Variants in KCNT1 observed in about 807,000 individuals in gnomAD.
The protein encoded by KCNT1 is potassium channel subfamily T member 1.
Under a neutral mutation model 147.8 loss-of-function variants are expected in KCNT1, and 78 were observed. The ratio of observed to expected loss-of-function variants is 0.53; its 90% CI spans 0.44 to 0.64. KCNT1 has a LOEUF of 0.64. Ranked by LOEUF, KCNT1 falls within the 30% of genes least tolerant of loss-of-function variation. The probability of loss-of-function intolerance (pLI) is 0.00; values close to 1 mark genes in which losing one functional copy is unlikely to be tolerated. For missense variants in KCNT1, 1,419 were observed against 1,750.3 expected, an observed-to-expected ratio of 0.81 and a Z score of 3.38; for synonymous variants, 867 against 748.8, an observed-to-expected ratio of 1.16 and a Z score of -2.58.
intron 2 of KCNT1, among the ~76,000 whole-genome samples, chr9:135,728,396 G>A (rs373916544): frequency 1.1e-4 from 16 of 152,262 alleles, no homozygotes; most frequent in African/African-American, 3.6e-4. Flanking sequence ...GGGCAGAAAA[G>A]AGCCAGCGGC....
At chr9:135,758,931 C>A (rs986528752) in intron 10 of KCNT1, among the ~76,000 whole-genome samples, 17 of 151,954 alleles carry the variant, frequency 1.1e-4, no homozygotes, top group Non-Finnish European at 2.5e-4. Flanking sequence ...GCCCACCTGC[C>A]TGTGTCCTCG....
At chr9:135,782,711 T>C (rs1483270686) in intron 24 of KCNT1, among the ~76,000 whole-genome samples, 1 of 152,228 alleles carries the variant, frequency 6.6e-6, no homozygotes, top group Non-Finnish European at 1.5e-5. Flanking sequence ...GTTTCCTGTT[T>C]AGCGTTGTTC....
In KCNT1 at chr9:135,742,265, G is replaced by A. The variant is rs149104583; in HGVS notation, c.255-7833G>A. ...GGAGTGGAGACAAGGGGACAGCCTC[G>A]CAGACCTCGGCATGAGGTGGAGCTC... On this transcript the variant is annotated intron_variant, in intron 2 of 30. Coordinates refer to ENST00000371757, the MANE Select transcript of KCNT1 (RefSeq NM_020822.3). 3.5e-3 allele frequency among the ~76,000 whole-genome samples: 526 copies of A among 152,318 alleles called. 1 individual carries two copies. Among genetic ancestry groups the A allele is most frequent in the South Asian group, 6.0e-3 (29 of 4,830 alleles).
chr9:135,704,885 A>C (rs959134526), intron 1 of KCNT1, among the ~76,000 whole-genome samples: 1 of 152,142 alleles, frequency 6.6e-6, no homozygotes, highest in Non-Finnish European at 1.5e-5. Context: ...GGCAGGAGGG[A>C]CGGCTCAGGC....
chr9:135,755,919 C>G (rs555699300), intron 6 of KCNT1, among the ~76,000 whole-genome samples: 7 of 144,404 alleles, frequency 4.8e-5, no homozygotes, highest in Non-Finnish European at 1.1e-4. Context: ...CAGTGAATGC[C>G]AAGGACAAAG....
rs777118549 is a variant in KCNT1, at chr9:135,702,287, C to T, written c.29C>T (p.Pro10Leu). Residue 10 changes from proline (P) to leucine (L), a missense_variant, in exon 1 of 31, where the codon CCG becomes CTG. Physicochemically the swap from Pro to Leu is moderately conservative, Grantham distance 98. This residue lies in a region of KCNT1 where 181 missense variants were observed against 155.7 expected (regional missense o/e 1.16). Transcript: ENST00000371757. ...CCACTCCCTGACGGGGCGCGGACCC[C>T]GGGGGGCGTCTGCCGGGAGGCGCGC... MPLPDGART[P>L]GGVCREARGG... The T allele has an allele frequency of 1.2e-6, 2 of 1,609,290 alleles. No homozygotes were observed. Among genetic ancestry groups the T allele is most frequent in the Admixed American group, 1.7e-5 (1 of 59,852 alleles).
Position 135,768,248 on chromosome 9 carries a change from G to A in KCNT1, c.1338-362G>A, listed in dbSNP as rs1432722654. On this transcript the variant is annotated intron_variant, in intron 13 of 30. Transcript: ENST00000371757. Reference sequence around the variant, plus strand: ...GAGGCCCAGGATGCCTGCGGGGGGGGGGGGGGGGGCACTGGGATACCGGTG... The same window carrying A: ...GAGGCCCAGGATGCCTGCGGGGGGGAGGGGGGGGGCACTGGGATACCGGTG... Among the ~76,000 whole-genome samples, 125 of 39,674 alleles carry A rather than the reference G, an allele frequency of 3.2e-3. 11 individuals are homozygous for A. The highest frequency in any genetic ancestry group is 7.9e-3 in the African/African-American group (117 of 14,770). 26.0% of individuals were successfully genotyped at this position (39,674 alleles called of 152,430 possible).
At chr9:135,777,980 C>T (rs968900978) in intron 21 of KCNT1, among the ~76,000 whole-genome samples, 2 of 151,614 alleles carry the variant, frequency 1.3e-5, no homozygotes, top group Non-Finnish European at 2.9e-5. Context: ...TCTCCCAGCT[C>T]CTCCATGCTC....
At position 135,752,284 on chromosome 9, in the gene KCNT1, C is replaced by T; in HGVS notation, c.434+1243C>T. The T allele has an allele frequency of 2.2e-6, 1 of 444,840 alleles. No individual in the cohort carries two copies. The highest frequency in any genetic ancestry group is 4.5e-6 in the Non-Finnish European group (1 of 222,792). 27.6% of individuals were successfully genotyped at this position (444,840 alleles called of 1,614,324 possible). ...CGTCCATGTAAACTTTTGCTCAATC[C>T]CCCTTTTCACCTGTTACCCCGTCAC... On this transcript the variant is annotated intron_variant, in intron 4 of 30. Coordinates refer to ENST00000371757, the MANE Select transcript of KCNT1 (RefSeq NM_020822.3). This position sits in a 1 kb window ranked among gnomAD's most constrained non-coding sequence, Gnocchi z 5.1.
Position 135,786,438 on chromosome 9 carries a change from T to G in KCNT1, c.3419T>G (p.Leu1140Arg). 6.3e-7 allele frequency: 1 copy of G among 1,596,126 alleles called. No individual in the cohort carries two copies. The highest frequency in any genetic ancestry group is 8.5e-7 in the Non-Finnish European group (1 of 1,172,500). The part of the protein sequence containing the change: ...AEWISQQRLS[L>R]YRRSERQELS... ...TGGATCAGCCAGCAGCGCCTCAGCC[T>G]GTACCGGCGCTCTGAGCGCCAGGAG... Residue 1140 changes from leucine (L) to arginine (R), a missense_variant, in exon 29 of 31, where the codon CTG becomes CGG. Transcript: ENST00000371757.
intron 13 of KCNT1, 103 bp from the exon 14 acceptor site, chr9:135,768,507 C>CAGCCT (rs1832491967): frequency 2.5e-6 from 2 of 794,224 alleles, no homozygotes; most frequent in Non-Finnish European, 2.1e-6. Flanking sequence ...CCTGCTGCAC[C>CAGCCT]AGCCTCCTCC....
rs1428822771 is a variant in KCNT1 at position 135,752,625 on chromosome 9, TGATGGATGGATGGACGGACGGACG to T, written c.435-1305_435-1282del. Among the ~76,000 whole-genome samples, 2 of 150,636 alleles carry T rather than the reference TGATGGATGGATGGACGGACGGACG, an allele frequency of 1.3e-5. No homozygotes were observed. Among genetic ancestry groups the T allele is most frequent in the Non-Finnish European group, 3.0e-5 (2 of 67,634 alleles). On this transcript the variant is annotated intron_variant, in intron 4 of 30. Coordinates refer to ENST00000371757, the MANE Select transcript of KCNT1 (RefSeq NM_020822.3). This position sits in a 1 kb window ranked among gnomAD's most constrained non-coding sequence, Gnocchi z 5.1. ...GATGGATGGTTGGATGGATGGTGGATGATGGATGGATGGACGGACGGACGGATGGACGGATGGATGGAGTGGATG... is the reference window on the plus strand; with the variant it reads ...GATGGATGGTTGGATGGATGGTGGATGATGGACGGATGGATGGAGTGGATG...
chr9:135,770,395 C>A lies in KCNT1; in HGVS notation c.1717C>A (p.Arg573Ser). 6.2e-7 allele frequency: 1 copy of A among 1,613,246 alleles called. No individual in the cohort carries two copies. The highest frequency in any genetic ancestry group is 8.5e-7 in the Non-Finnish European group (1 of 1,179,772). ...HIRMGDSKFF[R>S]EYEGKSFTYA... Reference sequence around the variant, plus strand: ...CCGCATGGGTGACAGCAAGTTCTTCCGCGAGTACGAGGGCAAGAGCTTCAC... The same window carrying A: ...CCGCATGGGTGACAGCAAGTTCTTCAGCGAGTACGAGGGCAAGAGCTTCAC... Residue 573 changes from arginine to serine, a missense_variant, in exon 17 of 31, where the codon CGC becomes AGC. Transcript: ENST00000371757.
Position 135,762,514 on chromosome 9 carries a change from G to A in KCNT1, c.1036-2517G>A, listed in dbSNP as rs182614599. The stretch of plus-strand genomic sequence containing the variant: ...TGTAATCCCAGCACTTTGGAGGGCC[G>A]AGGTGGGTAGATCACTTGAGATCCG... On this transcript the variant is annotated intron_variant, in intron 11 of 30. Coordinates refer to ENST00000371757, the MANE Select transcript of KCNT1 (RefSeq NM_020822.3). 2.2e-3 allele frequency among the ~76,000 whole-genome samples: 341 copies of A among 152,218 alleles called. 3 individuals are homozygous for A. In the South Asian group the frequency reaches 0.023, roughly 10 times the overall value.
rs1014992963 is a variant in KCNT1, at chr9:135,792,927, A to C, written c.*766A>C. 1 of 152,070 alleles carries C rather than the reference A, an allele frequency of 6.6e-6. No homozygotes were observed. The highest frequency in any genetic ancestry group is 6.6e-5 in the Admixed American group (1 of 15,262). 9.4% of individuals were successfully genotyped at this position (152,070 alleles called of 1,614,324 possible). ...TGGACCATTTTACACTTACCTTTTA[A>C]AGCAAAGCCTCATTTTCTAAACCCC... On this transcript the variant is annotated 3_prime_UTR_variant, in exon 31 of 31. Transcript: ENST00000371757.
At chr9:135,715,444 T>C (rs1025641251) in intron 2 of KCNT1, among the ~76,000 whole-genome samples, 15 of 152,204 alleles carry the variant, frequency 9.9e-5, no homozygotes, top group African/African-American at 3.6e-4. Flanking sequence ...TGAAGGCAAG[T>C]GCTCTGAGGA....
intron 21 of KCNT1, 21 bp downstream of exon 21, chr9:135,777,531 C>T (rs1297960430): frequency 3.2e-6 from 5 of 1,554,088 alleles, no homozygotes; most frequent in African/African-American, 2.7e-5. Flanking sequence ...TGGGGCTCAG[C>T]CCACCCCGCC....
Position 135,777,203 on chromosome 9 carries a change from G to A in KCNT1, c.2350-135G>A, listed in dbSNP as rs928557757. The A allele has an allele frequency of 2.4e-5, 22 of 904,720 alleles. 1 individual carries two copies. The highest frequency in any genetic ancestry group is 1.0e-4 in the Admixed American group (4 of 39,718). The allele number at this position is 904,720 out of a possible 1,614,324, so 56.0% of individuals were successfully genotyped here. A position where few individuals can be genotyped will look rare whatever the true frequency, so the allele number is the denominator to read the frequency against. On this transcript the variant is annotated intron_variant, in intron 20 of 30. Transcript: ENST00000371757. Reference sequence around the variant, plus strand: ...AGCTCCCCACAGGCGTGTGCAGGCCGTGAAAGGGCTGTGGGCCGAGAGGCT... The same window carrying A: ...AGCTCCCCACAGGCGTGTGCAGGCCATGAAAGGGCTGTGGGCCGAGAGGCT...
chr9:135,714,923 G>A lies in KCNT1; in HGVS notation c.254+203G>A, dbSNP rs895074749. Among the ~76,000 whole-genome samples, 1 of 152,226 alleles carries A rather than the reference G, an allele frequency of 6.6e-6. No homozygotes were observed. The highest frequency in any genetic ancestry group is 1.5e-5 in the Non-Finnish European group (1 of 68,032). ...ATCTTCTCGGGAGGGGGTCTCCGGAGGAGGGCGCGGGATGCTCGGAGCTGC... is the reference window on the plus strand; with the variant it reads ...ATCTTCTCGGGAGGGGGTCTCCGGAAGAGGGCGCGGGATGCTCGGAGCTGC... On this transcript the variant is annotated intron_variant, in intron 2 of 30. Coordinates refer to ENST00000371757, the MANE Select transcript of KCNT1 (RefSeq NM_020822.3). This position sits in a 1 kb window ranked among gnomAD's most constrained non-coding sequence, Gnocchi z 6.2.
Sources: gnomAD v4.1 joint callset for allele counts (sites outside exome capture counted in the v4.1 genomes callset) on GRCh38, gnomAD v4.1.1 for gene constraint, gnomAD v4.1.1 regional missense constraint, Gnocchi (gnomAD v3.1) non-coding constraint, MANE v1.5 for transcripts, NCBI Gene and HGNC (gene_info 2026-07-23, HGNC 2026-07-21) for gene names.